The following ASIC2 variants were observed in gnomAD, a reference collection of about 807,000 sequenced individuals.
The protein encoded by ASIC2 is acid sensing ion channel subunit 2, also known as acid-sensing ion channel 2.
In ASIC2, 25 loss-of-function variants were observed where a neutral mutation model predicts 57.3. The observed-to-expected ratio is 0.44, with a 90% confidence interval of 0.32 to 0.61. The LOEUF (loss-of-function observed/expected upper bound fraction) is 0.61, where lower values mean the gene tolerates loss of function less well. Among genes scored for constraint, ASIC2 ranks in the 20% least tolerant of loss-of-function variants. ASIC2 has a pLI of 0.06. For synonymous variants in ASIC2, 319 were observed against 307.5 expected, an observed-to-expected ratio of 1.04 and a Z score of -0.39; for missense variants, 641 against 738.1, an observed-to-expected ratio of 0.87 and a Z score of 1.52.
At chr17:33,268,887 C>A (rs74990035) in intron 1 of ASIC2, among the ~76,000 whole-genome samples, 8,100 of 152,272 alleles carry the variant, frequency 0.053, 223 homozygotes, top group Non-Finnish European at 0.064. Flanking sequence ...CCCCAACACA[C>A]TTGCTCTTTC....
At chr17:33,201,586 C>A (rs1379959615) in intron 1 of ASIC2, among the ~76,000 whole-genome samples, 1 of 152,210 alleles carries the variant, frequency 6.6e-6, no homozygotes, top group Non-Finnish European at 1.5e-5. Flanking sequence ...AATAACTCAC[C>A]CTTTAATTTG....
chr17:33,900,979 A>G (rs1402300939), intron 1 of ASIC2, among the ~76,000 whole-genome samples: 2 of 152,342 alleles, frequency 1.3e-5, no homozygotes, highest in East Asian at 3.9e-4. Context: ...GTCCTTGGCT[A>G]TGGCTCTTTT....
At chr17:34,014,668 C>A (rs1032788700) in intron 1 of ASIC2, among the ~76,000 whole-genome samples, 1 of 152,176 alleles carries the variant, frequency 6.6e-6, no homozygotes. Context: ...ACCCTAGCTG[C>A]CAATCTGGTC....
chr17:33,369,552 T>G (rs1908961398), intron 1 of ASIC2, among the ~76,000 whole-genome samples: 1 of 152,188 alleles, frequency 6.6e-6, no homozygotes, highest in East Asian at 1.9e-4. Flanking sequence ...ACACTTTAAT[T>G]GAAAGCATAG....
intron 1 of ASIC2, among the ~76,000 whole-genome samples, chr17:33,942,108 A>G (rs531994196): frequency 6.6e-6 from 1 of 152,298 alleles, no homozygotes; most frequent in African/African-American, 2.4e-5. Context: ...CAAGTTTCCA[A>G]GGACAGATGA....
chr17:34,037,387 G>A (rs62058969), intron 1 of ASIC2: 45,000 of 458,850 alleles, frequency 0.098, 2,791 homozygotes, highest in Non-Finnish European at 0.13. Context: ...GGCCGTTGAC[G>A]CTGGAACCTC....
chr17:33,548,714 T>G (rs989834702), intron 1 of ASIC2, among the ~76,000 whole-genome samples: 2 of 152,102 alleles, frequency 1.3e-5, no homozygotes, highest in African/African-American at 4.8e-5. Context: ...ACTCAACTGT[T>G]TTTCCAAGAT....
In ASIC2 at chr17:33,292,786, C is replaced by G; in HGVS notation, c.-671G>C. 2.3e-5 allele frequency: 23 copies of G among 985,944 alleles called. No individual in the cohort carries two copies. Among genetic ancestry groups the G allele is most frequent in the Non-Finnish European group, 2.8e-5 (23 of 830,378 alleles). The allele number at this position is 985,944 out of a possible 1,614,324, so 61.1% of individuals were successfully genotyped here. On this transcript the variant is annotated 5_prime_UTR_variant, in exon 1 of 10. Coordinates refer to ENST00000225823, the MANE Select transcript of ASIC2 (RefSeq NM_183377.2). ...CTTTCCCTTCCCCTCCAGGACCCTT[C>G]CTTGTTACTGCTCCCTGGGCTGCGC... is the stretch of plus-strand genomic sequence containing the variant.
At chr17:33,755,774 C>T (rs1312486838) in intron 1 of ASIC2, among the ~76,000 whole-genome samples, 1 of 152,108 alleles carries the variant, frequency 6.6e-6, no homozygotes, top group Non-Finnish European at 1.5e-5. Context: ...ACGCAGGATA[C>T]AGAGGGGACC....
intron 1 of ASIC2, among the ~76,000 whole-genome samples, chr17:34,146,559 T>G (rs1912423209): frequency 1.3e-5 from 2 of 152,216 alleles, no homozygotes; most frequent in East Asian, 1.9e-4. Flanking sequence ...GAGTGTAAAC[T>G]GCACCACAAT....
intron 1 of ASIC2, among the ~76,000 whole-genome samples, chr17:33,846,521 A>G (rs1013266306): frequency 6.6e-6 from 1 of 152,146 alleles, no homozygotes; most frequent in African/African-American, 2.4e-5. Flanking sequence ...CTAGCTCTAA[A>G]TTAAGCAGGT....
intron 1 of ASIC2, among the ~76,000 whole-genome samples, chr17:33,377,721 C>G (rs1385324518): frequency 6.6e-6 from 1 of 152,218 alleles, no homozygotes; most frequent in Non-Finnish European, 1.5e-5. Flanking sequence ...AATTTTTTCT[C>G]TGTGAAGACT....
chr17:33,609,196 C>T (rs1905314711), intron 1 of ASIC2, among the ~76,000 whole-genome samples: 1 of 152,186 alleles, frequency 6.6e-6, no homozygotes, highest in African/African-American at 2.4e-5. Context: ...CCCTCCAATC[C>T]ATTTTCCTCA....
At chr17:34,040,877 A>C (rs977271960) in intron 1 of ASIC2, among the ~76,000 whole-genome samples, 1 of 152,244 alleles carries the variant, frequency 6.6e-6, no homozygotes, top group Non-Finnish European at 1.5e-5. Flanking sequence ...TCATCATGCA[A>C]TTGCCACAAC....
intron 1 of ASIC2, among the ~76,000 whole-genome samples, chr17:33,920,078 T>C (rs577868425): frequency 2.0e-5 from 3 of 152,352 alleles, no homozygotes; most frequent in South Asian, 2.1e-4. Flanking sequence ...GGTGGGAATA[T>C]AAATTCGTTC....
chr17:33,950,993 T>C (rs1282663057), intron 1 of ASIC2, among the ~76,000 whole-genome samples: 1 of 152,174 alleles, frequency 6.6e-6, no homozygotes, highest in Non-Finnish European at 1.5e-5. Context: ...ATCTATTCAT[T>C]GGGAGGTAAC....
chr17:33,753,844 C>A (rs912135220), intron 1 of ASIC2, among the ~76,000 whole-genome samples: 1 of 152,150 alleles, frequency 6.6e-6, no homozygotes, highest in African/African-American at 2.4e-5. Context: ...TATAGAAGTA[C>A]AGAGTCCTTC....
At chr17:33,726,781 A>G (rs1909574209) in intron 1 of ASIC2, among the ~76,000 whole-genome samples, 1 of 152,222 alleles carries the variant, frequency 6.6e-6, no homozygotes, top group African/African-American at 2.4e-5. Flanking sequence ...AGAGAAATCC[A>G]AATGTGAAGT....
intron 1 of ASIC2, among the ~76,000 whole-genome samples, chr17:34,095,229 C>T (rs982050935): frequency 6.6e-6 from 1 of 152,098 alleles, no homozygotes; most frequent in African/African-American, 2.4e-5. Flanking sequence ...GCCAGGTGAA[C>T]AGAGCTCTGG....
Sources: gnomAD v4.1 joint callset for allele counts (sites outside exome capture counted in the v4.1 genomes callset) on GRCh38, gnomAD v4.1.1 for gene constraint, MANE v1.5 for transcripts, NCBI Gene and HGNC (gene_info 2026-07-23, HGNC 2026-07-21) for gene names.